Variants in NFIX observed in about 807,000 individuals in gnomAD.
NFIX encodes nuclear factor I X.
Under a neutral mutation model 53.3 loss-of-function variants are expected in NFIX, and 2 were observed. That is an observed-to-expected ratio of 0.04 (90% CI 0.02 to 0.12). The LOEUF (loss-of-function observed/expected upper bound fraction) is 0.12, where lower values mean the gene tolerates loss of function less well. Among genes scored for constraint, NFIX ranks in the 10% least tolerant of loss-of-function variants. The pLI, the probability that NFIX is intolerant of heterozygous loss-of-function variation, is 1.00. For synonymous variants in NFIX, 244 were observed against 289.0 expected, an observed-to-expected ratio of 0.84 and a Z score of 1.58; for missense variants, 310 against 674.5, an observed-to-expected ratio of 0.46 and a Z score of 5.99.
chr19:13,018,178 C>T (rs1245218725), intron 1 of NFIX, among the ~76,000 whole-genome samples: 1 of 152,140 alleles, frequency 6.6e-6, no homozygotes, highest in Non-Finnish European at 1.5e-5. Flanking sequence ...ATTGTCTCCC[C>T]TAATATCCCC....
At chr19:12,997,411 C>T (rs973330899) in intron 1 of NFIX, among the ~76,000 whole-genome samples, 17 of 152,128 alleles carry the variant, frequency 1.1e-4, no homozygotes, top group Non-Finnish European at 1.9e-4. Flanking sequence ...TACGTGTTGG[C>T]GAGGGCGCAC....
intron 2 of NFIX, among the ~76,000 whole-genome samples, chr19:13,064,396 G>C (rs986366939): frequency 1.3e-5 from 2 of 152,184 alleles, no homozygotes; most frequent in Non-Finnish European, 2.9e-5. Flanking sequence ...CAGGCCTTGG[G>C]CCTAGCACTC....
chr19:13,019,940 C>CTT (rs111429504), intron 1 of NFIX, among the ~76,000 whole-genome samples: 3 of 148,106 alleles, frequency 2.0e-5, no homozygotes, highest in African/African-American at 5.0e-5. Context: ...CCCCCCTTGT[C>CTT]TTTTTTTTTT....
At chr19:13,034,286 G>A (rs992077154) in intron 2 of NFIX, among the ~76,000 whole-genome samples, 5 of 152,212 alleles carry the variant, frequency 3.3e-5, no homozygotes, top group Non-Finnish European at 4.4e-5. Flanking sequence ...TGGAAACAGA[G>A]AATGGGCACC....
intron 1 of NFIX, among the ~76,000 whole-genome samples, chr19:12,999,089 C>T (rs997469646): frequency 9.9e-5 from 15 of 152,082 alleles, no homozygotes; most frequent in Admixed American, 2.0e-4. Context: ...CAAGGACGGA[C>T]AGGCGGATGG....
rs564199508 is a variant in NFIX, at chr19:13,001,116, G to A, written c.27+5252G>A. ...CAGCTGGGGTGGGGAAAAGGAGGGG[G>A]GTGTCTTAATTTTCTTGCCCCCAAA... On this transcript the variant is annotated intron_variant, in intron 1 of 10. Transcript: ENST00000592199. The surrounding 1 kb of genome is among the most constrained non-coding windows in gnomAD (Gnocchi z 6.5). Among the ~76,000 whole-genome samples, 1 of 152,160 alleles carries A rather than the reference G, an allele frequency of 6.6e-6. No individual in the cohort carries two copies. Among genetic ancestry groups the A allele is most frequent in the African/African-American group, 2.4e-5 (1 of 41,436 alleles).
In NFIX at chr19:13,068,033, AGGT is replaced by A. The variant is rs1475818175; in HGVS notation, c.560-5011_560-5009del. ...GGCAGGAGAATGGCGTGAACCCAGG[AGGT>A]GGGGCTTGCAGTGAGCCGAGATCGC... On this transcript the variant is annotated intron_variant, in intron 2 of 10. Coordinates refer to ENST00000592199, the MANE Select transcript of NFIX (RefSeq NM_001365902.3). This position sits in a 1 kb window ranked among gnomAD's most constrained non-coding sequence, Gnocchi z 4.2. Among the ~76,000 whole-genome samples, 1 of 151,748 alleles carries A rather than the reference AGGT, an allele frequency of 6.6e-6. No homozygotes were observed. The highest frequency in any genetic ancestry group is 6.6e-5 in the Admixed American group (1 of 15,230).
Position 13,025,199 on chromosome 19 carries a change from A to G in NFIX, c.206A>G (p.Gln69Arg). The G allele has an allele frequency of 6.2e-7, 1 of 1,614,208 alleles. No individual in the cohort carries two copies. Among genetic ancestry groups the G allele is most frequent in the Non-Finnish European group, 8.5e-7 (1 of 1,180,044 alleles). ...ELLGEKPEIKQKWASRLLAKL... is the reference protein window; with the variant it reads ...ELLGEKPEIKRKWASRLLAKL... Reference sequence around the variant, plus strand: ...CTGGGCGAGAAGCCCGAGATCAAGCAGAAGTGGGCATCCCGGCTGCTGGCC... The same window carrying G: ...CTGGGCGAGAAGCCCGAGATCAAGCGGAAGTGGGCATCCCGGCTGCTGGCC... Residue 69 changes from glutamine (Q) to arginine (R), a missense_variant, in exon 2 of 11, where the codon CAG becomes CGG. This residue lies in a region of NFIX where 64 missense variants were observed against 144.5 expected (regional missense o/e 0.44). Transcript: ENST00000592199. This position sits in a 1 kb window ranked among gnomAD's most constrained non-coding sequence, Gnocchi z 7.5.
chr19:13,019,731 G>GT (rs60597655), intron 1 of NFIX, among the ~76,000 whole-genome samples: 5,725 of 129,836 alleles, frequency 0.044, 148 homozygotes, highest in African/African-American at 0.082. Flanking sequence ...TTGTTTGTTT[G>GT]TTTTTTTTTT....
chr19:13,064,622 G>A (rs1373215534), intron 2 of NFIX, among the ~76,000 whole-genome samples: 1 of 152,218 alleles, frequency 6.6e-6, no homozygotes, highest in Non-Finnish European at 1.5e-5. Context: ...AGTGGGCCAG[G>A]CCCCAAGGGA....
intron 2 of NFIX, among the ~76,000 whole-genome samples, chr19:13,053,064 CAT>C (rs996480055): frequency 1.2e-4 from 18 of 152,204 alleles, no homozygotes; most frequent in Non-Finnish European, 4.4e-5. Flanking sequence ...ACAGTGCACA[CAT>C]GTCTGGCAGG....
chr19:13,024,944 C>T lies in NFIX; in HGVS notation c.28-77C>T. On this transcript the variant is annotated intron_variant, in intron 1 of 10. Coordinates refer to ENST00000592199, the MANE Select transcript of NFIX (RefSeq NM_001365902.3). Reference sequence around the variant, plus strand: ...CCCTTCTAACGCTGCTTTTCTCCTTCTCTCTTTCCCCCTCATCCCGTCTTC... The same window carrying T: ...CCCTTCTAACGCTGCTTTTCTCCTTTTCTCTTTCCCCCTCATCCCGTCTTC... The T allele has an allele frequency of 3.3e-6, 5 of 1,535,444 alleles. No homozygotes were observed. In the South Asian group the frequency reaches 6.0e-5, roughly 18 times the overall value.
At position 12,996,091 on chromosome 19, in the gene NFIX, G is replaced by A. The variant is rs2011455911; in HGVS notation, c.27+227G>A. 6.6e-6 allele frequency among the ~76,000 whole-genome samples: 1 copy of A among 151,672 alleles called. No individual in the cohort carries two copies. Among genetic ancestry groups the A allele is most frequent in the African/African-American group, 2.4e-5 (1 of 41,370 alleles). On this transcript the variant is annotated intron_variant, in intron 1 of 10. Transcript: ENST00000592199. The surrounding 1 kb of genome is among the most constrained non-coding windows in gnomAD (Gnocchi z 5.2). ...GACTCCTTTTGGGGGTTCCGGGGGT[G>A]GCCAGCTGCGTCGTGGCGCTGCCCG...
chr19:13,081,394 G>A lies in NFIX; in HGVS notation c.1079-286G>A, dbSNP rs1568324884. On this transcript the variant is annotated intron_variant, in intron 7 of 10. Coordinates refer to ENST00000592199, the MANE Select transcript of NFIX (RefSeq NM_001365902.3). This position sits in a 1 kb window ranked among gnomAD's most constrained non-coding sequence, Gnocchi z 4.7. ...ATCTGCCTCATCCTAATCTCCCAGC[G>A]CTGGTTGTGATCAAACTTTATTTAC... Among the ~76,000 whole-genome samples, 2 of 152,116 alleles carry A rather than the reference G, an allele frequency of 1.3e-5. No homozygotes were observed. The highest frequency in any genetic ancestry group is 2.4e-5 in the African/African-American group (1 of 41,396).
rs1008584090 is a variant in NFIX, at chr19:13,060,764, G to C, written c.560-12283G>C. Among the ~76,000 whole-genome samples, 2 of 151,928 alleles carry C rather than the reference G, an allele frequency of 1.3e-5. No individual in the cohort carries two copies. Among genetic ancestry groups the C allele is most frequent in the African/African-American group, 2.4e-5 (1 of 41,344 alleles). Reference sequence around the variant, plus strand: ...TGCACTGCCCAGGGTCAGGGGGATGGGGGGGTCGGCCTCACCTCGGCTAAC... The same window carrying C: ...TGCACTGCCCAGGGTCAGGGGGATGCGGGGGTCGGCCTCACCTCGGCTAAC... On this transcript the variant is annotated intron_variant, in intron 2 of 10. Transcript: ENST00000592199. This position sits in a 1 kb window ranked among gnomAD's most constrained non-coding sequence, Gnocchi z 4.3.
At chr19:13,000,404 T>C (rs989255115) in intron 1 of NFIX, among the ~76,000 whole-genome samples, 2 of 152,030 alleles carry the variant, frequency 1.3e-5, no homozygotes, top group East Asian at 1.9e-4. Context: ...ACCATAGATA[T>C]CCAAGTGGAC....
chr19:13,016,746 C>T (rs2012691010), intron 1 of NFIX, among the ~76,000 whole-genome samples: 1 of 151,762 alleles, frequency 6.6e-6, no homozygotes, highest in Non-Finnish European at 1.5e-5. Flanking sequence ...TGATAATCCC[C>T]TCCCTTTTCT....
intron 1 of NFIX, among the ~76,000 whole-genome samples, chr19:13,003,362 C>T (rs371714509): frequency 2.0e-5 from 3 of 152,176 alleles, no homozygotes; most frequent in Admixed American, 6.5e-5. Flanking sequence ...CGCAGTCACA[C>T]GATCACATGC....
Position 13,073,810 on chromosome 19 carries a change from C to A in NFIX, c.698-96C>A, listed in dbSNP as rs1456865938. 14 of 1,536,736 alleles carry A rather than the reference C, an allele frequency of 9.1e-6. No homozygotes were observed. Among genetic ancestry groups the A allele is most frequent in the Non-Finnish European group, 1.1e-5 (12 of 1,124,516 alleles). On this transcript the variant is annotated intron_variant, in intron 4 of 10. Transcript: ENST00000592199. The surrounding 1 kb of genome is among the most constrained non-coding windows in gnomAD (Gnocchi z 4.5). The stretch of plus-strand genomic sequence containing the variant: ...CCATCTCCTGGCCCCACAGTAAACT[C>A]ACCCTGGGCTTCTGGGAAGCTGTTC...
Sources: gnomAD v4.1 joint callset for allele counts (sites outside exome capture counted in the v4.1 genomes callset) on GRCh38, gnomAD v4.1.1 for gene constraint, gnomAD v4.1.1 regional missense constraint, Gnocchi (gnomAD v3.1) non-coding constraint, MANE v1.5 for transcripts, NCBI Gene and HGNC (gene_info 2026-07-23, HGNC 2026-07-21) for gene names.